Variants in PAK5 observed in about 807,000 individuals in gnomAD.
PAK5 encodes serine/threonine-protein kinase PAK 5.
Under a neutral mutation model 65.9 loss-of-function variants are expected in PAK5, and 16 were observed. The observed-to-expected ratio is 0.24, with a 90% confidence interval of 0.16 to 0.37. PAK5 has a LOEUF of 0.37. PAK5 is among the 10% of genes least tolerant of loss of function. The pLI is 1.00. For missense variants in PAK5, 785 were observed against 903.9 expected, an observed-to-expected ratio of 0.87 and a Z score of 1.69; for synonymous variants, 371 against 354.9, an observed-to-expected ratio of 1.05 and a Z score of -0.51.
At chr20:9,818,329 C>T (rs2049381733) in intron 1 of PAK5, among the ~76,000 whole-genome samples, 1 of 152,184 alleles carries the variant, frequency 6.6e-6, no homozygotes, top group Non-Finnish European at 1.5e-5. Flanking sequence ...TCCTACTCTG[C>T]TCCTTGGCAA....
intron 1 of PAK5, among the ~76,000 whole-genome samples, chr20:9,806,532 C>A (rs2049234878): frequency 6.6e-6 from 1 of 152,114 alleles, no homozygotes; most frequent in Non-Finnish European, 1.5e-5. Context: ...CTGTAACTCA[C>A]TGTATTTTAG....
intron 1 of PAK5, among the ~76,000 whole-genome samples, chr20:9,769,588 G>A (rs1018160130): frequency 3.9e-5 from 6 of 152,150 alleles, no homozygotes; most frequent in African/African-American, 1.4e-4. Context: ...TCTGACAATT[G>A]CAAACTAAAG....
rs1569079047 is a variant in PAK5 at position 9,766,372 on chromosome 20, CAAGCAGAATATA to C, written c.-161-54949_-161-54938del. Among the ~76,000 whole-genome samples, 123 of 32,274 alleles carry C rather than the reference CAAGCAGAATATA, an allele frequency of 3.8e-3. 5 individuals carry two copies. The highest frequency in any genetic ancestry group is 0.01 in the African/African-American group (59 of 5,814). 21.2% of individuals were successfully genotyped at this position (32,274 alleles called of 152,430 possible). On this transcript the variant is annotated intron_variant, in intron 1 of 9. Transcript: ENST00000353224. ...ACTTACTTGAATATATATATATATT[CAAGCAGAATATA>C]TATGTATATATATATTCAAGCAGAA...
intron 1 of PAK5, among the ~76,000 whole-genome samples, chr20:9,717,066 C>T (rs940234148): frequency 2.7e-5 from 4 of 146,212 alleles, no homozygotes; most frequent in South Asian, 2.1e-4. Context: ...GCCTGGGTGA[C>T]GGAGCCAGAA....
intron 1 of PAK5, among the ~76,000 whole-genome samples, chr20:9,816,374 C>T (rs910845283): frequency 6.6e-5 from 10 of 152,156 alleles, no homozygotes; most frequent in African/African-American, 1.9e-4. Context: ...TTGACTGGAT[C>T]GCAGAATGCC....
chr20:9,787,618 GATGTGT>G (rs1242516586), intron 1 of PAK5, among the ~76,000 whole-genome samples: 1 of 112,730 alleles, frequency 8.9e-6, no homozygotes, highest in Non-Finnish European at 1.8e-5. Context: ...CTATGAAAAG[GATGTGT>G]GTGTGTGTGT....
At chr20:9,754,345 G>C (rs904823204) in intron 1 of PAK5, among the ~76,000 whole-genome samples, 3 of 152,080 alleles carry the variant, frequency 2.0e-5, no homozygotes, top group Non-Finnish European at 4.4e-5. Context: ...GGTGGGTAGG[G>C]GGCCAGGGAG....
At chr20:9,763,022 C>G (rs1219502952) in intron 1 of PAK5, among the ~76,000 whole-genome samples, 5 of 151,916 alleles carry the variant, frequency 3.3e-5, no homozygotes, top group Non-Finnish European at 7.4e-5. Flanking sequence ...GACAGAAATA[C>G]AAATACTGTA....
rs117388789 is a variant in PAK5 at position 9,713,210 on chromosome 20, T to C, written c.-161-1775A>G. Among the ~76,000 whole-genome samples, 1,442 of 152,058 alleles carry C rather than the reference T, an allele frequency of 9.5e-3. 13 individuals carry two copies. The highest frequency in any genetic ancestry group is 0.044 in the Middle Eastern group (13 of 294). On this transcript the variant is annotated intron_variant, in intron 1 of 9. Coordinates refer to ENST00000353224, the MANE Select transcript of PAK5 (RefSeq NM_177990.4). ...ATTAAAAATGGACAAAAGACCCAAA[T>C]AGACATTTCTCAAAAGAAGACATAC...
chr20:9,611,266 AT>A (rs1336694421), intron 3 of PAK5, among the ~76,000 whole-genome samples: 2 of 152,158 alleles, frequency 1.3e-5, no homozygotes, highest in Non-Finnish European at 2.9e-5. Flanking sequence ...GAAAAAGTGG[AT>A]TCAGAATGAA....
At chr20:9,598,187 C>T (rs541418694) in intron 3 of PAK5, among the ~76,000 whole-genome samples, 1 of 152,156 alleles carries the variant, frequency 6.6e-6, no homozygotes, top group African/African-American at 2.4e-5. Flanking sequence ...TCAGCTCCCA[C>T]TTATGAGTGA....
chr20:9,822,527 G>T (rs1400870344), intron 1 of PAK5, among the ~76,000 whole-genome samples: 1 of 152,036 alleles, frequency 6.6e-6, no homozygotes, highest in African/African-American at 2.4e-5. Context: ...TAACACTCTG[G>T]CTCAATGCTC....
intron 3 of PAK5, among the ~76,000 whole-genome samples, chr20:9,583,141 A>C (rs12480738): frequency 0.089 from 13,601 of 152,214 alleles, 764 homozygotes; most frequent in East Asian, 0.24. Context: ...CTCCGAAATA[A>C]TATGTTTGTA....
chr20:9,699,060 G>A (rs2047905584), intron 2 of PAK5, among the ~76,000 whole-genome samples: 1 of 152,058 alleles, frequency 6.6e-6, no homozygotes, highest in Non-Finnish European at 1.5e-5. Flanking sequence ...TTTGAATTAG[G>A]AACAAATCCT....
chr20:9,753,812 G>T (rs1256852649), intron 1 of PAK5, among the ~76,000 whole-genome samples: 1 of 152,144 alleles, frequency 6.6e-6, no homozygotes, highest in Non-Finnish European at 1.5e-5. Flanking sequence ...AGACAAAGCA[G>T]AATACCAGAA....
intron 1 of PAK5, among the ~76,000 whole-genome samples, chr20:9,784,728 C>T (rs1035062379): frequency 1.3e-5 from 2 of 151,320 alleles, no homozygotes; most frequent in Non-Finnish European, 2.9e-5. Flanking sequence ...GAAGGGAAGA[C>T]ATCAGACATA....
At chr20:9,558,806 G>T (rs564706400) in intron 6 of PAK5, among the ~76,000 whole-genome samples, 1 of 152,322 alleles carries the variant, frequency 6.6e-6, no homozygotes, top group South Asian at 2.1e-4. Context: ...ATGGGAATGA[G>T]AAACGAAGCA....
At chr20:9,578,764 G>A (rs2045929785) in intron 4 of PAK5, among the ~76,000 whole-genome samples, 2 of 152,046 alleles carry the variant, frequency 1.3e-5, no homozygotes, top group Admixed American at 1.3e-4. Flanking sequence ...TTTTGCTTGT[G>A]GTTAATTAGA....
chr20:9,755,940 G>T (rs2048628724), intron 1 of PAK5, among the ~76,000 whole-genome samples: 1 of 152,128 alleles, frequency 6.6e-6, no homozygotes, highest in Non-Finnish European at 1.5e-5. Flanking sequence ...CTTATATATG[G>T]ATATGGTATT....
Sources: allele counts gnomAD v4.1 joint callset (sites outside exome capture counted in the v4.1 genomes callset), GRCh38; gene constraint gnomAD v4.1.1; transcripts MANE v1.5; gene names NCBI Gene and HGNC (gene_info 2026-07-23, HGNC 2026-07-21).